The following SEMA6D variants were observed in gnomAD, a reference collection of about 807,000 sequenced individuals.
SEMA6D encodes the protein semaphorin-6D.
In SEMA6D, 35 loss-of-function variants were observed where a neutral mutation model predicts 106.6. The observed-to-expected ratio is 0.33, with a 90% CI of 0.25 to 0.44. The LOEUF (loss-of-function observed/expected upper bound fraction) is 0.44, where lower values mean the gene tolerates loss of function less well. Among genes scored for constraint, SEMA6D ranks in the 20% least tolerant of loss-of-function variants. SEMA6D has a pLI of 1.00. For missense variants in SEMA6D, 1,185 were observed against 1,345.9 expected, an observed-to-expected ratio of 0.88 and a Z score of 1.87; for synonymous variants, 499 against 487.7, an observed-to-expected ratio of 1.02 and a Z score of -0.31.
chr15:47,689,481 T>C (rs1202683904), intron 4 of SEMA6D, among the ~76,000 whole-genome samples: 1 of 152,244 alleles, frequency 6.6e-6, no homozygotes, highest in Non-Finnish European at 1.5e-5. Flanking sequence ...AGAATAGGAA[T>C]CCTGGGCTTA....
intron 4 of SEMA6D, among the ~76,000 whole-genome samples, chr15:47,675,641 T>G (rs532503267): frequency 3.1e-4 from 47 of 152,358 alleles, no homozygotes; most frequent in African/African-American, 1.1e-3. Context: ...TATTGTGTTT[T>G]TCTTTATATA....
At chr15:47,476,426 A>G (rs1432703422) in intron 3 of SEMA6D, among the ~76,000 whole-genome samples, 1 of 152,156 alleles carries the variant, frequency 6.6e-6, no homozygotes, top group Non-Finnish European at 1.5e-5. Flanking sequence ...AATTTCATAT[A>G]TGTTATCTCC....
chr15:47,257,314 C>T (rs2033860336), intron 1 of SEMA6D, among the ~76,000 whole-genome samples: 1 of 152,162 alleles, frequency 6.6e-6, no homozygotes, highest in Non-Finnish European at 1.5e-5. Context: ...GCCTTGGCCC[C>T]CCAAAGTTCT....
intron 1 of SEMA6D, among the ~76,000 whole-genome samples, chr15:47,286,875 C>T (rs1313552533): frequency 6.6e-6 from 1 of 152,150 alleles, no homozygotes; most frequent in Admixed American, 6.5e-5. Context: ...CTATCTTCTG[C>T]ATGAACCAAT....
At chr15:47,467,893 T>G (rs969295166) in intron 2 of SEMA6D, among the ~76,000 whole-genome samples, 3 of 152,144 alleles carry the variant, frequency 2.0e-5, no homozygotes, top group Admixed American at 6.5e-5. Flanking sequence ...CTGGAAAAAT[T>G]GTCTTTAATT....
chr15:47,306,904 T>C (rs1486261726), intron 1 of SEMA6D, among the ~76,000 whole-genome samples: 3 of 152,190 alleles, frequency 2.0e-5, no homozygotes, highest in Non-Finnish European at 4.4e-5. Context: ...TTTTGAAAAA[T>C]GATGTTTTTT....
At chr15:47,753,026 A>G (rs961502938) in intron 1 of SEMA6D, among the ~76,000 whole-genome samples, 4 of 151,588 alleles carry the variant, frequency 2.6e-5, no homozygotes, top group Non-Finnish European at 5.9e-5. Context: ...AAATAAGCAC[A>G]TGGGAAAGAG....
At chr15:47,346,973 A>G (rs967464283) in intron 1 of SEMA6D, among the ~76,000 whole-genome samples, 2 of 151,754 alleles carry the variant, frequency 1.3e-5, no homozygotes, top group Non-Finnish European at 2.9e-5. Context: ...CAATGATGCC[A>G]TCTCAGCTCA....
intron 1 of SEMA6D, among the ~76,000 whole-genome samples, chr15:47,358,446 C>G (rs575206899): frequency 2.0e-5 from 3 of 152,284 alleles, no homozygotes; most frequent in African/African-American, 7.2e-5. Flanking sequence ...TAGCCTTAGA[C>G]TGTAATTGCT....
intron 3 of SEMA6D, among the ~76,000 whole-genome samples, chr15:47,519,421 A>T (rs2044498691): frequency 6.6e-6 from 1 of 152,204 alleles, no homozygotes; most frequent in Non-Finnish European, 1.5e-5. Flanking sequence ...CCAAAATATT[A>T]TGAAGAGCAT....
At chr15:47,388,779 A>G (rs920261406) in intron 1 of SEMA6D, among the ~76,000 whole-genome samples, 2 of 145,488 alleles carry the variant, frequency 1.4e-5, no homozygotes, top group Admixed American at 1.4e-4. Context: ...AGGAGGCATA[A>G]TGGAGATGCA....
intron 1 of SEMA6D, among the ~76,000 whole-genome samples, chr15:47,387,657 A>G (rs1465206565): frequency 6.6e-6 from 1 of 152,238 alleles, no homozygotes; most frequent in African/African-American, 2.4e-5. Context: ...CAAAGGTAAG[A>G]AGAAAAATCA....
intron 4 of SEMA6D, among the ~76,000 whole-genome samples, chr15:47,699,732 T>C (rs2078770560): frequency 6.6e-6 from 1 of 152,176 alleles, no homozygotes; most frequent in African/African-American, 2.4e-5. Context: ...CATTTCACTT[T>C]CCCCATGAAG....
At chr15:47,419,024 G>A (rs1304980335) in intron 2 of SEMA6D, among the ~76,000 whole-genome samples, 1 of 152,110 alleles carries the variant, frequency 6.6e-6, no homozygotes, top group African/African-American at 2.4e-5. Flanking sequence ...ATATTACAAT[G>A]ATCCTCTATG....
At chr15:47,348,727 C>CCACACACACAGAGAGAG (rs1555425939) in intron 1 of SEMA6D, among the ~76,000 whole-genome samples, 2 of 57,054 alleles carry the variant, frequency 3.5e-5, no homozygotes, top group African/African-American at 5.0e-5. Context: ...ACCACACACA[C>CCACACACACAGAGAGAG]AGAGAGAGAG....
At chr15:47,449,599 G>A (rs1284854558) in intron 2 of SEMA6D, among the ~76,000 whole-genome samples, 2 of 151,048 alleles carry the variant, frequency 1.3e-5, no homozygotes, top group Non-Finnish European at 3.0e-5. Flanking sequence ...TTATTTATGA[G>A]AAAAAAAAAG....
intron 1 of SEMA6D, among the ~76,000 whole-genome samples, chr15:47,219,451 C>G (rs893961106): frequency 6.6e-6 from 1 of 152,130 alleles, no homozygotes; most frequent in African/African-American, 2.4e-5. Context: ...TTGCCTTTTT[C>G]TCTTAAAGAC....
intron 4 of SEMA6D, among the ~76,000 whole-genome samples, chr15:47,627,093 A>G (rs117681261): frequency 0.011 from 1,611 of 152,270 alleles, 17 homozygotes; most frequent in South Asian, 0.045. Context: ...CAAGAATGGT[A>G]ATTAGTGGGA....
At chr15:47,212,238 G>A (rs1338372075) in intron 1 of SEMA6D, among the ~76,000 whole-genome samples, 1 of 152,198 alleles carries the variant, frequency 6.6e-6, no homozygotes, top group East Asian at 1.9e-4. Context: ...AATTAAAATT[G>A]AAATGATGAC....
Sources: allele counts gnomAD v4.1 joint callset (sites outside exome capture counted in the v4.1 genomes callset), GRCh38; gene constraint gnomAD v4.1.1; transcripts MANE v1.5; gene names NCBI Gene and HGNC (gene_info 2026-07-23, HGNC 2026-07-21).